The following DNAH11 variants were observed in gnomAD, a reference collection of about 807,000 sequenced individuals.
DNAH11 encodes dynein axonemal heavy chain 11, also known as axonemal beta dynein heavy chain 11.
DNAH11 carries 442 observed loss-of-function variants against 526.0 expected under a neutral mutation model. The observed-to-expected ratio is 0.84, with a 90% CI of 0.78 to 0.91. The LOEUF (loss-of-function observed/expected upper bound fraction) is 0.91. Ranked by LOEUF, DNAH11 falls within the 40% of genes least tolerant of loss-of-function variation. The pLI, the probability that DNAH11 is intolerant of heterozygous loss-of-function variation, is 0.00. For synonymous variants in DNAH11, 2,461 were observed against 1,935.9 expected, an observed-to-expected ratio of 1.27 and a Z score of -7.12; for missense variants, 6,989 against 5,448.7, an observed-to-expected ratio of 1.28 and a Z score of -8.90.
intron 12 of DNAH11, among the ~76,000 whole-genome samples, chr7:21,590,576 T>C (rs1784635070): frequency 2.6e-5 from 4 of 152,176 alleles, no homozygotes; most frequent in Admixed American, 2.6e-4. Flanking sequence ...TTCCCTAAAA[T>C]ATGTACAGAG....
intron 65 of DNAH11, among the ~76,000 whole-genome samples, chr7:21,823,846 A>G (rs1197718411): frequency 6.6e-6 from 1 of 152,230 alleles, no homozygotes; most frequent in Non-Finnish European, 1.5e-5. Context: ...AAGTGCAACT[A>G]AAAAGCAGGA....
At chr7:21,635,398 C>T (rs935850676) in intron 25 of DNAH11, among the ~76,000 whole-genome samples, 5 of 152,142 alleles carry the variant, frequency 3.3e-5, no homozygotes, top group East Asian at 1.9e-4. Flanking sequence ...CCTCGTGATC[C>T]GCCCACCTCG....
chr7:21,775,571 G>A (rs992785769), intron 56 of DNAH11, among the ~76,000 whole-genome samples: 4 of 151,638 alleles, frequency 2.6e-5, no homozygotes, highest in Non-Finnish European at 5.9e-5. Flanking sequence ...TGTGTTGAGT[G>A]GGTCACTGAA....
chr7:21,830,472 G>T (rs1223855898), intron 65 of DNAH11, among the ~76,000 whole-genome samples: 1 of 152,094 alleles, frequency 6.6e-6, no homozygotes, highest in Non-Finnish European at 1.5e-5. Flanking sequence ...TTACTGAGTC[G>T]ATCATATTCT....
At chr7:21,873,783 G>GATT (rs1783589697) in intron 74 of DNAH11, among the ~76,000 whole-genome samples, 1 of 29,952 alleles carries the variant, frequency 3.3e-5, no homozygotes, top group Admixed American at 4.1e-4. Flanking sequence ...TGAGGAGGTT[G>GATT]CTTTTTTTTT....
chr7:21,878,969 A>C lies in DNAH11; in HGVS notation c.12196-1733A>C, dbSNP rs189510108. ...TCTTCCTCCCCTGTTGCTCAATGCC[A>C]GCTGAAGGAATAGTCCTCAACTTCC... is the stretch of plus-strand genomic sequence containing the variant. On this transcript the variant is annotated intron_variant, in intron 74 of 81. Coordinates refer to ENST00000409508, the MANE Select transcript of DNAH11 (RefSeq NM_001277115.2). Among the ~76,000 whole-genome samples, 479 of 152,348 alleles carry C rather than the reference A, an allele frequency of 3.1e-3. 2 individuals carry two copies. Among genetic ancestry groups the C allele is most frequent in the African/African-American group, 0.011 (455 of 41,570 alleles).
At position 21,852,537 on chromosome 7, in the gene DNAH11, G is replaced by A. The variant is rs765797284; in HGVS notation, c.10967G>A (p.Arg3656His). The A allele has an allele frequency of 4.3e-5, 69 of 1,613,272 alleles. No homozygotes were observed. Among genetic ancestry groups the A allele is most frequent in the East Asian group, 3.8e-4 (17 of 44,870 alleles). ...TATCTGGAAGACGATCTCCTTTTGC[G>A]CCTTTCTGCGGCAGAGGGAAGCTTT... ...LKYLEDDLLL[R>H]LSAAEGSFLD... The change falls in exon 67 of 82, where the codon CGC (arginine) becomes CAC (histidine). Residue 3656 changes from arginine (R) to histidine (H), a missense_variant. Coordinates refer to ENST00000409508, the MANE Select transcript of DNAH11 (RefSeq NM_001277115.2).
chr7:21,569,432 C>T (rs910343658), intron 6 of DNAH11, among the ~76,000 whole-genome samples: 1 of 152,154 alleles, frequency 6.6e-6, no homozygotes, highest in Non-Finnish European at 1.5e-5. Context: ...CGGTTGATCC[C>T]ATGAGAATTT....
chr7:21,883,407 T>G (rs1784006336), intron 75 of DNAH11, among the ~76,000 whole-genome samples: 1 of 152,160 alleles, frequency 6.6e-6, no homozygotes, highest in African/African-American at 2.4e-5. Flanking sequence ...AGTGATTTCT[T>G]GAATAAAACA....
rs375304992 is a variant in DNAH11, at chr7:21,738,702, A to C, written c.7647A>C (p.Lys2549Asn). ...NYYTTSTALQ[K>N]ILEKPLEKKA... ...GACAGAAATATATGTTTATTTCAGA[A>C]ATTCTTGAGAAACCCCTAGAGAAAA... The change falls in exon 47 of 82, where the codon AAA becomes AAC. Residue 2549 changes from lysine (K) to asparagine (N), a missense_variant and splice_region_variant. By Grantham distance (94) the Lys-to-Asn change is moderately conservative (BLOSUM62 0). Coordinates refer to ENST00000409508, the MANE Select transcript of DNAH11 (RefSeq NM_001277115.2). 1 of 1,565,404 alleles carries C rather than the reference A, an allele frequency of 6.4e-7. No homozygotes were observed. The highest frequency in any genetic ancestry group is 1.4e-5 in the African/African-American group (1 of 73,264).
intron 55 of DNAH11, among the ~76,000 whole-genome samples, chr7:21,768,910 T>G (rs1325522431): frequency 6.6e-6 from 1 of 152,214 alleles, no homozygotes; most frequent in African/African-American, 2.4e-5. Flanking sequence ...TAAGCACAGT[T>G]CTTTATTTGA....
chr7:21,738,250 T>G (rs538070260), intron 46 of DNAH11, among the ~76,000 whole-genome samples: 2 of 152,338 alleles, frequency 1.3e-5, no homozygotes, highest in East Asian at 3.9e-4. Context: ...CTTGTGCCTC[T>G]GCACTCCAGC....
At chr7:21,680,187 C>T (rs74881059) in intron 30 of DNAH11, among the ~76,000 whole-genome samples, 145 of 152,240 alleles carry the variant, frequency 9.5e-4, no homozygotes, top group East Asian at 5.2e-3. Context: ...TCGCATTTTC[C>T]GGGGCATGAT....
chr7:21,797,883 T>C (rs1437928633), intron 61 of DNAH11, among the ~76,000 whole-genome samples: 1 of 152,202 alleles, frequency 6.6e-6, no homozygotes, highest in African/African-American at 2.4e-5. Context: ...CCAGTGATAT[T>C]TGCACACCAA....
At chr7:21,708,776 T>C (rs529251060) in intron 40 of DNAH11, among the ~76,000 whole-genome samples, 3 of 152,328 alleles carry the variant, frequency 2.0e-5, no homozygotes, top group East Asian at 3.9e-4. Flanking sequence ...CTCTTCTGGA[T>C]GCCCGCATGA....
rs1213325028 is a variant in DNAH11 at position 21,639,031 on chromosome 7, T to G, written c.4910T>G (p.Leu1637Arg). ...RFYFVSSADLLDILSKGAQPK... is the reference protein window; with the variant it reads ...RFYFVSSADLRDILSKGAQPK... ...TATTTCGTCTCTTCTGCTGATTTAC[T>G]TGACATTCTCTCAAAAGGAGCTCAG... Residue 1637 changes from leucine to arginine, a missense_variant, in exon 28 of 82, where the codon CTT becomes CGT. Physicochemically the swap from Leu to Arg is moderately radical, Grantham distance 102. Transcript: ENST00000409508. 6.2e-7 allele frequency: 1 copy of G among 1,613,700 alleles called. No homozygotes were observed. Among genetic ancestry groups the G allele is most frequent in the East Asian group, 2.2e-5 (1 of 44,864 alleles).
chr7:21,755,559 T>C (rs546210897), intron 54 of DNAH11, among the ~76,000 whole-genome samples: 2 of 152,270 alleles, frequency 1.3e-5, no homozygotes, highest in African/African-American at 4.8e-5. Context: ...ATGTGTTCAT[T>C]GGAGAGAATT....
intron 62 of DNAH11, among the ~76,000 whole-genome samples, chr7:21,801,578 C>T (rs1788996019): frequency 6.6e-6 from 1 of 152,156 alleles, no homozygotes; most frequent in African/African-American, 2.4e-5. Context: ...AGTACATCAG[C>T]TGTGGGTGGG....
Position 21,860,434 on chromosome 7 carries a change from C to A in DNAH11, c.11203-1419C>A, listed in dbSNP as rs188849303. ...AGAATTACCATATGATCAAGCAATT[C>A]CACTTCTAGCTGTTTATTCAAAAGA... On this transcript the variant is annotated intron_variant, in intron 68 of 81. Transcript: ENST00000409508. 6.6e-5 allele frequency among the ~76,000 whole-genome samples: 10 copies of A among 152,260 alleles called. No homozygotes were observed. In the East Asian group the frequency reaches 1.7e-3, roughly 26 times the overall value.
Sources: gnomAD v4.1 joint callset for allele counts (sites outside exome capture counted in the v4.1 genomes callset) on GRCh38, gnomAD v4.1.1 for gene constraint, MANE v1.5 for transcripts, NCBI Gene and HGNC (gene_info 2026-07-23, HGNC 2026-07-21) for gene names.